The following SCHIP1 variants were observed in gnomAD, a reference collection of about 807,000 sequenced individuals.
The protein encoded by SCHIP1 is schwannomin interacting protein 1, also known as schwannomin-interacting protein 1.
A neutral mutation model predicts 29.7 loss-of-function variants in SCHIP1; 8 were observed. The observed-to-expected ratio is 0.27, with a 90% CI of 0.16 to 0.49. SCHIP1 has a LOEUF of 0.49. Ranked by LOEUF, SCHIP1 falls within the 20% of genes least tolerant of loss-of-function variation. The probability of loss-of-function intolerance (pLI) is 0.99; values close to 1 mark genes in which losing one functional copy is unlikely to be tolerated. For missense variants in SCHIP1, 193 were observed against 294.6 expected, an observed-to-expected ratio of 0.66 and a Z score of 2.52; for synonymous variants, 76 against 94.9, an observed-to-expected ratio of 0.80 and a Z score of 1.16.
chr3:159,503,523 C>T, the SCHIP1 span, among the ~76,000 whole-genome samples: 8 of 152,126 alleles, frequency 5.3e-5, no homozygotes, highest in African/African-American at 1.4e-4. Flanking sequence ...ATCCTAGGAA[C>T]CTGACAGTAA....
At chr3:159,424,317 A>T in the SCHIP1 span, among the ~76,000 whole-genome samples, 1 of 152,176 alleles carries the variant, frequency 6.6e-6, no homozygotes, top group South Asian at 2.1e-4. Context: ...ATGTATAACT[A>T]GAATAACCAA....
At chr3:159,757,433 T>G in the SCHIP1 span, among the ~76,000 whole-genome samples, 2 of 152,132 alleles carry the variant, frequency 1.3e-5, no homozygotes, top group African/African-American at 2.4e-5. Context: ...TCCCATCAGG[T>G]CCCTCCCACA....
the SCHIP1 span, among the ~76,000 whole-genome samples, chr3:159,330,437 G>A: frequency 2.0e-5 from 3 of 152,138 alleles, no homozygotes; most frequent in Admixed American, 2.0e-4. Flanking sequence ...AGTCAAATTA[G>A]TATTTTGTTT....
chr3:159,605,161 G>T, the SCHIP1 span, among the ~76,000 whole-genome samples: 1 of 152,146 alleles, frequency 6.6e-6, no homozygotes, highest in South Asian at 2.1e-4. Flanking sequence ...CATAATCAGA[G>T]ACAAGATTTA....
At chr3:159,637,610 T>C in the SCHIP1 span, among the ~76,000 whole-genome samples, 1 of 152,186 alleles carries the variant, frequency 6.6e-6, no homozygotes, top group Non-Finnish European at 1.5e-5. Flanking sequence ...AAACTCAGAC[T>C]GGAATTCCTT....
chr3:159,765,902 CAGGGAGGGGTGCTGGAGTGGAAAAG>C, the SCHIP1 span, among the ~76,000 whole-genome samples: 55 of 152,158 alleles, frequency 3.6e-4, 1 homozygote, highest in African/African-American at 1.3e-3. Context: ...GAAAGCCAGA[CAGGGAGGGGTGCTGGAGTGGAAAAG>C]AGGGAGGGAG....
chr3:159,755,370 G>C, the SCHIP1 span, among the ~76,000 whole-genome samples: 3 of 152,212 alleles, frequency 2.0e-5, no homozygotes, highest in African/African-American at 7.2e-5. Flanking sequence ...AAGAGAGCTT[G>C]TGCAGAGAAA....
chr3:159,492,383 A>C, the SCHIP1 span, among the ~76,000 whole-genome samples: 1 of 152,212 alleles, frequency 6.6e-6, no homozygotes, highest in African/African-American at 2.4e-5. Flanking sequence ...TAATTAGAAT[A>C]ACCAATGCAG....
At chr3:159,541,920 C>T in the SCHIP1 span, among the ~76,000 whole-genome samples, 1 of 152,078 alleles carries the variant, frequency 6.6e-6, no homozygotes, top group African/African-American at 2.4e-5. Context: ...ATGTCGCACA[C>T]ATTTTCAAGG....
At chr3:159,863,677 G>A (rs1714300316) in intron 1 of SCHIP1, among the ~76,000 whole-genome samples, 1 of 152,204 alleles carries the variant, frequency 6.6e-6, no homozygotes, top group Non-Finnish European at 1.5e-5. Context: ...GATTATGAGT[G>A]ATGTTTATAT....
the SCHIP1 span, among the ~76,000 whole-genome samples, chr3:159,678,490 CA>C: frequency 6.6e-6 from 1 of 152,122 alleles, no homozygotes; most frequent in Non-Finnish European, 1.5e-5. Flanking sequence ...GTTTTTAGAG[CA>C]AAAACTTATT....
At chr3:159,284,487 G>GTGTTT in the SCHIP1 span, among the ~76,000 whole-genome samples, 1 of 151,414 alleles carries the variant, frequency 6.6e-6, no homozygotes, top group South Asian at 2.1e-4. Context: ...TTAACTTTAG[G>GTGTTT]TGTTTTGTTT....
the SCHIP1 span, among the ~76,000 whole-genome samples, chr3:159,358,710 T>C: frequency 6.6e-6 from 1 of 152,140 alleles, no homozygotes; most frequent in Non-Finnish European, 1.5e-5. Flanking sequence ...GCCTAAAAAC[T>C]GGACCTAACT....
At chr3:159,610,613 G>T in the SCHIP1 span, among the ~76,000 whole-genome samples, 1 of 152,094 alleles carries the variant, frequency 6.6e-6, no homozygotes, top group African/African-American at 2.4e-5. Flanking sequence ...CTACCCTTTG[G>T]AGTTTGAAAC....
the SCHIP1 span, among the ~76,000 whole-genome samples, chr3:159,652,775 T>A: frequency 6.6e-6 from 1 of 152,138 alleles, no homozygotes; most frequent in Non-Finnish European, 1.5e-5. Flanking sequence ...AAAACAAGGA[T>A]GAGGTGATCT....
chr3:159,551,399 T>C, the SCHIP1 span, among the ~76,000 whole-genome samples: 5 of 152,320 alleles, frequency 3.3e-5, no homozygotes, highest in South Asian at 2.1e-4. Flanking sequence ...GCCTGCTGCG[T>C]AGCAGTTTTC....
At chr3:159,550,888 A>G in the SCHIP1 span, among the ~76,000 whole-genome samples, 1 of 152,186 alleles carries the variant, frequency 6.6e-6, no homozygotes, top group South Asian at 2.1e-4. Context: ...TGTCAGCCTC[A>G]CTATGTAATA....
At chr3:159,278,703 G>C in the SCHIP1 span, among the ~76,000 whole-genome samples, 1 of 152,166 alleles carries the variant, frequency 6.6e-6, no homozygotes, top group African/African-American at 2.4e-5. Context: ...TATCAAGTCA[G>C]CATAGATACT....
At chr3:159,614,350 T>TCC in the SCHIP1 span, among the ~76,000 whole-genome samples, 1 of 152,250 alleles carries the variant, frequency 6.6e-6, no homozygotes, top group African/African-American at 2.4e-5. Context: ...TTATACTGTG[T>TCC]CCTAATATGG....
Sources: allele counts gnomAD v4.1 joint callset (sites outside exome capture counted in the v4.1 genomes callset), GRCh38; gene constraint gnomAD v4.1.1; transcripts MANE v1.5; gene names NCBI Gene and HGNC (gene_info 2026-07-23, HGNC 2026-07-21).